NKAIN3: variants seen among roughly 807,000 people sequenced by gnomAD.
NKAIN3 encodes the protein sodium/potassium-transporting ATPase subunit beta-1-interacting protein 3.
NKAIN3 carries 25 observed loss-of-function variants against 30.2 expected under a neutral mutation model. The observed-to-expected ratio is 0.83, with a 90% CI of 0.60 to 1.16. The LOEUF is 1.16. Among genes scored for constraint, NKAIN3 ranks in the 50% most tolerant of loss-of-function variants. The probability of loss-of-function intolerance (pLI) is 0.00; values close to 1 mark genes in which losing one functional copy is unlikely to be tolerated. For synonymous variants in NKAIN3, 91 were observed against 89.6 expected (o/e 1.02, Z -0.09); for missense variants, 225 against 254.1 (o/e 0.89, Z 0.78).
chr8:62,343,266 C>T (rs1183763181), intron 1 of NKAIN3, among the ~76,000 whole-genome samples: 2 of 151,790 alleles, frequency 1.3e-5, no homozygotes, highest in Admixed American at 6.6e-5. Flanking sequence ...ATAATAGTGC[C>T]TATTATATAG....
At chr8:62,726,621 A>G (rs1447843671) in intron 3 of NKAIN3, among the ~76,000 whole-genome samples, 1 of 152,046 alleles carries the variant, frequency 6.6e-6, no homozygotes, top group Non-Finnish European at 1.5e-5. Context: ...ATATTGAACT[A>G]TTCTTGCATC....
intron 1 of NKAIN3, among the ~76,000 whole-genome samples, chr8:62,262,756 A>T (rs1432457055): frequency 6.6e-6 from 1 of 152,076 alleles, no homozygotes; most frequent in African/African-American, 2.4e-5. Context: ...TCACAAGTAG[A>T]AGACAACGTT....
intron 3 of NKAIN3, among the ~76,000 whole-genome samples, chr8:62,612,932 T>A (rs1811339158): frequency 6.6e-6 from 1 of 152,132 alleles, no homozygotes; most frequent in Admixed American, 6.5e-5. Flanking sequence ...CCTTGCTTTT[T>A]AACTTTTTAT....
chr8:62,537,503 A>T (rs921717014), intron 1 of NKAIN3, among the ~76,000 whole-genome samples: 1 of 152,128 alleles, frequency 6.6e-6, no homozygotes, highest in Non-Finnish European at 1.5e-5. Flanking sequence ...AGGTTTCGTA[A>T]GTGATGTTGG....
downstream of NKAIN3, among the ~76,000 whole-genome samples, chr8:62,986,070 C>T (rs1486059009): frequency 6.6e-6 from 1 of 152,104 alleles, no homozygotes; most frequent in African/African-American, 2.4e-5. Context: ...AATTCCTATG[C>T]CTCGTTGGAC....
At chr8:62,997,676 C>T (rs770758871) in intron 5 of NKAIN3, among the ~76,000 whole-genome samples, 18 of 151,298 alleles carry the variant, frequency 1.2e-4, no homozygotes, top group Non-Finnish European at 2.4e-4. Flanking sequence ...TCTTACTTTG[C>T]CCTATAGTGA....
At chr8:62,658,608 C>G (rs1812838072) in intron 3 of NKAIN3, among the ~76,000 whole-genome samples, 1 of 152,118 alleles carries the variant, frequency 6.6e-6, no homozygotes, top group Admixed American at 6.6e-5. Flanking sequence ...GTACAGTACT[C>G]GTAGCTTCCC....
chr8:62,628,319 A>G (rs1043401670), intron 3 of NKAIN3, among the ~76,000 whole-genome samples: 3 of 152,180 alleles, frequency 2.0e-5, no homozygotes, highest in African/African-American at 7.2e-5. Context: ...GTTGCTGCAC[A>G]ACAAAATGCA....
At chr8:62,448,919 G>A (rs572147131) in intron 1 of NKAIN3, among the ~76,000 whole-genome samples, 2 of 151,894 alleles carry the variant, frequency 1.3e-5, no homozygotes, top group Non-Finnish European at 2.9e-5. Context: ...TTCTTAATTT[G>A]AGGTTATATT....
chr8:62,274,501 A>G (rs1026530933), intron 1 of NKAIN3, among the ~76,000 whole-genome samples: 3 of 151,892 alleles, frequency 2.0e-5, no homozygotes, highest in Admixed American at 2.0e-4. Flanking sequence ...GTTGCTTTAC[A>G]TTTTCTTGAT....
intron 3 of NKAIN3, among the ~76,000 whole-genome samples, chr8:62,606,253 G>A (rs1354622118): frequency 1.3e-5 from 2 of 152,060 alleles, no homozygotes; most frequent in East Asian, 3.9e-4. Context: ...AACAAGGGAG[G>A]TATCGAGTTA....
chr8:62,279,126 C>A (rs1225589540), intron 1 of NKAIN3, among the ~76,000 whole-genome samples: 1 of 152,132 alleles, frequency 6.6e-6, no homozygotes, highest in Non-Finnish European at 1.5e-5. Flanking sequence ...CTCTTATGAC[C>A]AGTGATGATG....
chr8:62,996,750 G>A (rs1008969463), intron 5 of NKAIN3, among the ~76,000 whole-genome samples: 3 of 152,156 alleles, frequency 2.0e-5, no homozygotes, highest in African/African-American at 7.2e-5. Flanking sequence ...CAGACACCAT[G>A]CAAGTCCAAA....
chr8:62,557,855 G>A (rs1279320248), intron 1 of NKAIN3, among the ~76,000 whole-genome samples: 1 of 152,112 alleles, frequency 6.6e-6, no homozygotes, highest in African/African-American at 2.4e-5. Flanking sequence ...CACACTGTGG[G>A]TTGTCTGTTT....
intron 4 of NKAIN3, among the ~76,000 whole-genome samples, chr8:62,832,140 A>T: frequency 6.6e-6 from 1 of 152,168 alleles, no homozygotes; most frequent in South Asian, 2.1e-4. Flanking sequence ...AGAGAAATAA[A>T]ATCTTTTCCA....
chr8:62,568,900 C>T (rs1437519998), intron 1 of NKAIN3, among the ~76,000 whole-genome samples: 1 of 152,128 alleles, frequency 6.6e-6, no homozygotes, highest in Non-Finnish European at 1.5e-5. Context: ...CAAGGAACAA[C>T]CTAGACAATC....
chr8:62,265,555 A>G (rs1195499704), intron 1 of NKAIN3, among the ~76,000 whole-genome samples: 1 of 152,222 alleles, frequency 6.6e-6, no homozygotes, highest in Non-Finnish European at 1.5e-5. Context: ...ATTTTAACAT[A>G]AATTTAAAAT....
intron 1 of NKAIN3, among the ~76,000 whole-genome samples, chr8:62,284,564 A>G (rs897366483): frequency 2.6e-5 from 4 of 152,042 alleles, no homozygotes; most frequent in Non-Finnish European, 5.9e-5. Context: ...AGGTAGGTGG[A>G]GGTTGCACTG....
chr8:62,294,877 C>G (rs1342691742), intron 1 of NKAIN3, among the ~76,000 whole-genome samples: 2 of 152,110 alleles, frequency 1.3e-5, no homozygotes, highest in Non-Finnish European at 2.9e-5. Flanking sequence ...TAATTACCTA[C>G]ATAGTTCAAA....
Sources: allele counts gnomAD v4.1 joint callset (sites outside exome capture counted in the v4.1 genomes callset), GRCh38; gene constraint gnomAD v4.1.1; transcripts MANE v1.5; gene names NCBI Gene and HGNC (gene_info 2026-07-23, HGNC 2026-07-21).